NAA35: variants seen among roughly 807,000 people sequenced by gnomAD.
The protein encoded by NAA35 is MAK10 homolog, amino-acid N-acetyltransferase subunit.
NAA35 carries 18 observed loss-of-function variants against 101.7 expected under a neutral mutation model. That is an observed-to-expected ratio of 0.18 (90% CI 0.12 to 0.26). NAA35 has a LOEUF of 0.26. Among genes scored for constraint, NAA35 ranks in the 10% least tolerant of loss-of-function variants. The pLI is 1.00. For synonymous variants in NAA35, 267 were observed against 273.1 expected (o/e 0.98, Z 0.22); for missense variants, 601 against 886.8 (o/e 0.68, Z 4.09).
At position 85,975,034 on chromosome 9, in the gene NAA35, GTAAAAT is replaced by G; in HGVS notation, c.583+4_583+9del. 1.2e-6 allele frequency: 2 copies of G among 1,612,484 alleles called. No individual in the cohort carries two copies. Among genetic ancestry groups the G allele is most frequent in the African/African-American group, 2.7e-5 (2 of 74,954 alleles). On this transcript the variant is annotated splice_donor_variant and splice_donor_5th_base_variant and intron_variant, in intron 7 of 22. Coordinates refer to ENST00000361671, the MANE Select transcript of NAA35 (RefSeq NM_024635.4). LOFTEE classifies it high-confidence loss of function. The stretch of plus-strand genomic sequence containing the variant: ...AGTGTGACAGATCTTCGAGTTACAG[GTAAAAT>G]TATTTTTAAAGTTAATTCACAAGTT...
rs374130021 is a variant in NAA35 at position 86,024,953 on chromosome 9, AG to A, written c.*2996del. Among the ~76,000 whole-genome samples, 65 of 152,216 alleles carry A rather than the reference AG, an allele frequency of 4.3e-4. 2 individuals are homozygous for A. In the South Asian group the frequency reaches 0.013, roughly 31 times the overall value. The stretch of plus-strand genomic sequence containing the variant: ...ATAGGTCCCAAGGAATAGACTTGGG[AG>A]GGCCAGGGAATGGGGAGGCCACTGA... On this transcript the variant is annotated 3_prime_UTR_variant, in exon 23 of 23. Transcript: ENST00000361671.
intron 19 of NAA35, among the ~76,000 whole-genome samples, chr9:86,017,858 A>AAAGG (rs1386784566): frequency 1.3e-5 from 2 of 152,220 alleles, no homozygotes; most frequent in Admixed American, 1.3e-4. Flanking sequence ...GGTAGTAAGA[A>AAAGG]AAGGAAGAGA....
intron 18 of NAA35, 87 bp downstream of exon 18, chr9:86,016,762 A>G (rs560477962): frequency 7.3e-7 from 1 of 1,369,556 alleles, no homozygotes; most frequent in South Asian, 1.3e-5. Flanking sequence ...TGAGTTGGTC[A>G]TTATATTTTA....
intron 6 of NAA35, among the ~76,000 whole-genome samples, chr9:85,965,309 A>G (rs1303386269): frequency 1.3e-5 from 2 of 152,214 alleles, no homozygotes; most frequent in African/African-American, 4.8e-5. Flanking sequence ...ACTAATTAAA[A>G]GATGTTACAT....
intron 6 of NAA35, among the ~76,000 whole-genome samples, chr9:85,964,129 T>C (rs1341592964): frequency 8.9e-6 from 1 of 112,716 alleles, no homozygotes; most frequent in South Asian, 2.5e-4. Flanking sequence ...CTTCTTAGTC[T>C]TTTTTTTTTT....
intron 11 of NAA35, among the ~76,000 whole-genome samples, chr9:85,987,236 C>G (rs921067927): frequency 6.6e-6 from 1 of 152,158 alleles, no homozygotes; most frequent in Admixed American, 6.5e-5. Flanking sequence ...TCAACTGATT[C>G]TTGAGCCACA....
intron 22 of NAA35, among the ~76,000 whole-genome samples, chr9:86,021,420 T>C (rs915359183): frequency 1.1e-4 from 16 of 152,220 alleles, no homozygotes; most frequent in African/African-American, 3.4e-4. Flanking sequence ...GATTCTGCGC[T>C]GTGGAGAGGC....
intron 15 of NAA35, among the ~76,000 whole-genome samples, chr9:86,010,636 G>A (rs570659930): frequency 3.1e-4 from 44 of 144,258 alleles, no homozygotes; most frequent in African/African-American, 1.1e-3. Flanking sequence ...GTGCAGTGGC[G>A]CAATCTTGGC....
chr9:86,022,709 A>G lies in NAA35; in HGVS notation c.*749A>G, dbSNP rs772201329. 6.6e-6 allele frequency among the ~76,000 whole-genome samples: 1 copy of G among 152,228 alleles called. No homozygotes were observed. The highest frequency in any genetic ancestry group is 1.5e-5 in the Non-Finnish European group (1 of 68,034). On this transcript the variant is annotated 3_prime_UTR_variant, in exon 23 of 23. Transcript: ENST00000361671. ...GTTTACTTCATATTCAGTTTAACCC[A>G]TGAAACATTTTCAAATGGGTGTCTG...
At chr9:86,005,435 A>T (rs1176939201) in intron 13 of NAA35, among the ~76,000 whole-genome samples, 1 of 152,266 alleles carries the variant, frequency 6.6e-6, no homozygotes, top group Non-Finnish European at 1.5e-5. Context: ...GAAGAAGGCA[A>T]AGATGCCCAC....
At chr9:85,989,979 C>CT (rs1329723013) in intron 11 of NAA35, among the ~76,000 whole-genome samples, 1 of 152,158 alleles carries the variant, frequency 6.6e-6, no homozygotes, top group Non-Finnish European at 1.5e-5. Flanking sequence ...AAGTTTGGTG[C>CT]TTGTCGTAGT....
At chr9:85,968,615 G>A (rs1317756284) in intron 6 of NAA35, among the ~76,000 whole-genome samples, 2 of 151,666 alleles carry the variant, frequency 1.3e-5, no homozygotes, top group Non-Finnish European at 2.9e-5. Flanking sequence ...CCACTTATGA[G>A]GAAAAATAGT....
Position 85,956,346 on chromosome 9 carries a change from C to CTTTT in NAA35, c.125-6_125-3dup. 9.4e-7 allele frequency: 1 copy of CTTTT among 1,069,456 alleles called. No homozygotes were observed. The highest frequency in any genetic ancestry group is 1.8e-5 in the South Asian group (1 of 57,046). The allele number at this position is 1,069,456 out of a possible 1,614,324, so 66.2% of individuals were successfully genotyped here. ...ATAAATATGTTCAAAGGGTTTTTCTCTTTTTTTTTTTAGAATTAAAGTTGG... is the reference window on the plus strand; with the variant it reads ...ATAAATATGTTCAAAGGGTTTTTCTCTTTTTTTTTTTTTTTAGAATTAAAGTTGG... On this transcript the variant is annotated splice_polypyrimidine_tract_variant and intron_variant, in intron 2 of 22. Transcript: ENST00000361671.
chr9:85,976,601 T>TA (rs1490614112), intron 8 of NAA35, 84 bp from the exon 9 acceptor site: 18 of 1,062,372 alleles, frequency 1.7e-5, no homozygotes, highest in Middle Eastern at 2.3e-4. Flanking sequence ...TGTGTATACT[T>TA]AAAAAATCAG....
intron 2 of NAA35, among the ~76,000 whole-genome samples, chr9:85,947,088 A>T (rs1399688526): frequency 1.3e-5 from 2 of 152,154 alleles, no homozygotes; most frequent in Non-Finnish European, 2.9e-5. Context: ...GGACTACGGA[A>T]GTTTGAGAAC....
intron 4 of NAA35, 28 bp downstream of exon 4, chr9:85,958,614 C>G (rs767901556): frequency 6.9e-7 from 1 of 1,454,622 alleles, no homozygotes; most frequent in East Asian, 2.3e-5. Context: ...TTTTGTGTTT[C>G]CATTTATCTT....
In NAA35 at chr9:86,021,961, G is replaced by A; in HGVS notation, c.*1G>A. The A allele has an allele frequency of 6.2e-7, 1 of 1,613,120 alleles. No individual in the cohort carries two copies. Among genetic ancestry groups the A allele is most frequent in the African/African-American group, 1.3e-5 (1 of 74,960 alleles). ...TTTTCCTGTTGTGAAACTTGTTTGA[G>A]AGAGACTGGGGAGGTGGCCATAAAG... is the stretch of plus-strand genomic sequence containing the variant. On this transcript the variant is annotated 3_prime_UTR_variant, in exon 23 of 23. Transcript: ENST00000361671.
intron 10 of NAA35, among the ~76,000 whole-genome samples, chr9:85,978,019 A>T (rs1296059056): frequency 8.7e-5 from 13 of 149,122 alleles, no homozygotes; most frequent in African/African-American, 3.2e-4. Flanking sequence ...TTTGGTTTTT[A>T]TTGTGAAAAA....
intron 6 of NAA35, among the ~76,000 whole-genome samples, chr9:85,972,790 A>G (rs1317935258): frequency 6.6e-6 from 1 of 152,208 alleles, no homozygotes; most frequent in Non-Finnish European, 1.5e-5. Context: ...GGAATAAGTC[A>G]TTCGTTGAAC....
Sources: allele counts gnomAD v4.1 joint callset (sites outside exome capture counted in the v4.1 genomes callset), GRCh38; gene constraint gnomAD v4.1.1; transcripts MANE v1.5; gene names NCBI Gene and HGNC (gene_info 2026-07-23, HGNC 2026-07-21).